RGS6: variants seen among roughly 807,000 people sequenced by gnomAD.
RGS6 encodes the protein regulator of G-protein signaling 6.
RGS6 carries 30 observed loss-of-function variants against 78.5 expected under a neutral mutation model. The observed-to-expected ratio is 0.38, with a 90% CI of 0.29 to 0.52. RGS6 has a LOEUF of 0.52. RGS6 is among the 20% of genes least tolerant of loss of function. The pLI, the probability that RGS6 is intolerant of heterozygous loss-of-function variation, is 0.85. For missense variants in RGS6, 495 were observed against 609.7 expected, an observed-to-expected ratio of 0.81 and a Z score of 1.98; for synonymous variants, 206 against 206.0, an observed-to-expected ratio of 1.00 and a Z score of 0.00.
At chr14:72,510,379 G>T (rs1598495627) in intron 14 of RGS6, 100 bp downstream of exon 14, 1 of 1,472,354 alleles carries the variant, frequency 6.8e-7, no homozygotes, top group Admixed American at 1.8e-5. Context: ...CGTTATCAGG[G>T]TTCAAATTCA....
At chr14:71,978,928 C>T (rs2094299967) in intron 2 of RGS6, among the ~76,000 whole-genome samples, 2 of 144,928 alleles carry the variant, frequency 1.4e-5, no homozygotes, top group Non-Finnish European at 3.0e-5. Flanking sequence ...TTGATTATTG[C>T]CACAATTTCA....
At chr14:72,279,480 G>A (rs140650886) in intron 2 of RGS6, among the ~76,000 whole-genome samples, 85 of 152,266 alleles carry the variant, frequency 5.6e-4, no homozygotes, top group Middle Eastern at 3.4e-3. Flanking sequence ...CCATAAGAAG[G>A]TCTCTTTGGC....
intron 3 of RGS6, among the ~76,000 whole-genome samples, chr14:72,425,962 G>T (rs2094418318): frequency 6.6e-6 from 1 of 152,118 alleles, no homozygotes; most frequent in Non-Finnish European, 1.5e-5. Flanking sequence ...GAGAATCTAA[G>T]CGGTAAAATT....
chr14:72,456,645 G>C (rs932221206), intron 4 of RGS6, among the ~76,000 whole-genome samples: 2 of 152,178 alleles, frequency 1.3e-5, no homozygotes, highest in Non-Finnish European at 2.9e-5. Context: ...AATGAAGTTA[G>C]AGTCTTAGCT....
At chr14:72,545,584 A>C (rs2153520179) in intron 17 of RGS6, among the ~76,000 whole-genome samples, 1 of 152,288 alleles carries the variant, frequency 6.6e-6, no homozygotes, top group Middle Eastern at 3.4e-3. Context: ...TATATAACTC[A>C]TTCCTTAGAA....
At chr14:72,541,475 G>T in intron 17 of RGS6, 3 of 1,535,698 alleles carry the variant, frequency 2.0e-6, no homozygotes, top group Non-Finnish European at 2.6e-6. Flanking sequence ...ATCAGAATGT[G>T]CAGAACACAA....
rs528345831 is a variant in RGS6 at position 72,021,772 on chromosome 14, T to C, written c.84+56897T>C. On this transcript the variant is annotated intron_variant, in intron 2 of 17. Transcript: ENST00000553525. ...CAGGTGTGGGCCACTGCGCCTGGCC[T>C]TTTTTTTTTAAAGTTTTATTTAGGT... Among the ~76,000 whole-genome samples, 226 of 126,836 alleles carry C rather than the reference T, an allele frequency of 1.8e-3. 1 individual carries two copies. In the Middle Eastern group the frequency reaches 0.027, roughly 15 times the overall value. 83.2% of individuals were successfully genotyped at this position (126,836 alleles called of 152,430 possible). A position where few individuals can be genotyped will look rare whatever the true frequency, so the allele number is the denominator to read the frequency against.
intron 2 of RGS6, among the ~76,000 whole-genome samples, chr14:72,012,234 A>G (rs535622593): frequency 6.6e-6 from 1 of 152,348 alleles, no homozygotes; most frequent in African/African-American, 2.4e-5. Flanking sequence ...AAAAGTTAAT[A>G]AAATCACCTG....
chr14:72,191,262 T>C (rs946027754), intron 2 of RGS6, among the ~76,000 whole-genome samples: 10 of 152,192 alleles, frequency 6.6e-5, no homozygotes, highest in Admixed American at 3.9e-4. Context: ...AAAATGTTCT[T>C]GGCAAACTTT....
At chr14:71,972,079 A>C (rs1354947305) in intron 2 of RGS6, among the ~76,000 whole-genome samples, 1 of 152,076 alleles carries the variant, frequency 6.6e-6, no homozygotes, top group African/African-American at 2.4e-5. Context: ...ATAGGTATAC[A>C]TGTGCCATGT....
intron 2 of RGS6, among the ~76,000 whole-genome samples, chr14:72,092,463 C>A (rs960329307): frequency 3.9e-5 from 6 of 152,096 alleles, no homozygotes; most frequent in African/African-American, 7.2e-5. Context: ...CTCACTGCAA[C>A]CTCCGCCTCC....
chr14:71,873,415 T>G, the RGS6 span, among the ~76,000 whole-genome samples: 3 of 152,230 alleles, frequency 2.0e-5, no homozygotes, highest in Admixed American at 6.5e-5. Context: ...TTTTTTCATG[T>G]GTTTTTTGGC....
chr14:72,391,954 T>TGCA (rs2090093886), intron 3 of RGS6, among the ~76,000 whole-genome samples: 3 of 152,212 alleles, frequency 2.0e-5, no homozygotes, highest in African/African-American at 7.2e-5. Flanking sequence ...CTGCATAGTA[T>TGCA]TCCATGGTGT....
intron 2 of RGS6, among the ~76,000 whole-genome samples, chr14:72,115,757 C>T (rs540102732): frequency 6.6e-6 from 1 of 152,342 alleles, no homozygotes; most frequent in Non-Finnish European, 1.5e-5. Context: ...TCTATACTAA[C>T]CCAGAACTGT....
intron 12 of RGS6, among the ~76,000 whole-genome samples, chr14:72,486,224 A>G (rs532101383): frequency 3.3e-5 from 5 of 152,294 alleles, no homozygotes; most frequent in African/African-American, 1.2e-4. Context: ...CCATGAGTCA[A>G]TTAAACCTCT....
At chr14:72,386,750 A>G (rs1596562357) in intron 3 of RGS6, among the ~76,000 whole-genome samples, 1 of 152,216 alleles carries the variant, frequency 6.6e-6, no homozygotes, top group African/African-American at 2.4e-5. Flanking sequence ...TTACATTCCT[A>G]TAAATAAAAA....
chr14:71,926,556 G>A, the RGS6 span, among the ~76,000 whole-genome samples: 1 of 143,554 alleles, frequency 7.0e-6, no homozygotes, highest in East Asian at 2.2e-4. Context: ...TGCACTCCAG[G>A]CTGGGTGACA....
chr14:72,144,895 A>G (rs2096587893), intron 2 of RGS6, among the ~76,000 whole-genome samples: 1 of 152,172 alleles, frequency 6.6e-6, no homozygotes, highest in African/African-American at 2.4e-5. Context: ...GAGTTTTATT[A>G]TTACTGAAAT....
chr14:72,130,085 C>T (rs78636328), intron 2 of RGS6, among the ~76,000 whole-genome samples: 1 of 152,118 alleles, frequency 6.6e-6, no homozygotes, highest in East Asian at 1.9e-4. Context: ...GGGAGAACCC[C>T]CAGGTTTGGC....
Sources: gnomAD v4.1 joint callset for allele counts (sites outside exome capture counted in the v4.1 genomes callset) on GRCh38, gnomAD v4.1.1 for gene constraint, MANE v1.5 for transcripts, NCBI Gene and HGNC (gene_info 2026-07-23, HGNC 2026-07-21) for gene names.